The following DDX3X variants were observed in gnomAD, a reference collection of about 807,000 sequenced individuals.
DDX3X encodes the protein ATP-dependent RNA helicase DDX3X.
DDX3X carries 4 observed loss-of-function variants against 52.7 expected under a neutral mutation model. The observed-to-expected ratio is 0.08, with a 90% CI of 0.04 to 0.17. The LOEUF is 0.17. DDX3X is among the 10% of genes least tolerant of loss of function. DDX3X has a pLI of 1.00. For synonymous variants in DDX3X, 192 were observed against 178.1 expected, an observed-to-expected ratio of 1.08 and a Z score of -0.62; for missense variants, 222 against 548.6, an observed-to-expected ratio of 0.40 and a Z score of 5.95.
At chrX:41,341,089 G>A (rs909859668) in intron 3 of DDX3X, 17 of 175,220 alleles carry the variant, frequency 9.7e-5, no homozygotes, top group African/African-American at 3.3e-4. Context: ...GGGTTCAAGT[G>A]ATTCTCCTGC....
In DDX3X at chrX:41,334,183, G is replaced by C; in HGVS notation, c.-70G>C. 1.8e-6 allele frequency: 2 copies of C among 1,088,278 alleles called. No individual in the cohort carries two copies. Among genetic ancestry groups the C allele is most frequent in the Non-Finnish European group, 2.5e-6 (2 of 792,653 alleles). The allele number at this position is 1,088,278 out of a possible 1,213,427, so 89.7% of individuals were successfully genotyped here. On this transcript the variant is annotated 5_prime_UTR_variant, in exon 1 of 17. Coordinates refer to ENST00000644876, the MANE Select transcript of DDX3X (RefSeq NM_001356.5). ...CTCCAGAGCCGCAGTTCTCCCGTGA[G>C]AGGGCCTTCGCGGTGGAACAAACAC...
upstream of DDX3X, chrX:41,334,000 G>A (rs1256374982): frequency 2.6e-6 from 1 of 381,575 alleles, no homozygotes; most frequent in Admixed American, 4.5e-5. Flanking sequence ...ACAGGACTAA[G>A]TAGGAAATCC....
At chrX:41,334,660 A>G (rs1274881280) in intron 1 of DDX3X, 2 of 1,048,326 alleles carry the variant, frequency 1.9e-6, no homozygotes, top group Non-Finnish European at 2.5e-6. Context: ...GCGGGACGCG[A>G]CTGGAGGCCC....
chrX:41,337,723 G>A, intron 2 of DDX3X: 1 of 236,584 alleles, frequency 4.2e-6, no homozygotes, highest in Non-Finnish European at 7.3e-6. Context: ...TCGGCTCACC[G>A]CAGTCTCTGC....
Position 41,339,053 on chromosome X carries a change from C to A in DDX3X, c.121C>A (p.Pro41Thr). 1 of 1,078,019 alleles carries A rather than the reference C, an allele frequency of 9.3e-7. No individual in the cohort carries two copies. The highest frequency in any genetic ancestry group is 2.6e-5 in the South Asian group (1 of 38,211). The allele number at this position is 1,078,019 out of a possible 1,213,427, so 88.8% of individuals were successfully genotyped here. ...STASKGRYIP[P>T]HLRNREATKG... ...TTTTTTAGAAGGGCGCTATATTCCT[C>A]CTCATTTAAGGAACCGAGAAGCTAC... is the stretch of plus-strand genomic sequence containing the variant. Residue 41 changes from proline (P) to threonine (T), a missense_variant, in exon 3 of 17, where the codon CCT (proline) becomes ACT (threonine). Coordinates refer to ENST00000644876, the MANE Select transcript of DDX3X (RefSeq NM_001356.5).
intron 1 of DDX3X, chrX:41,335,964 CT>C (rs1161522199): frequency 8.9e-6 from 1 of 112,232 alleles, no homozygotes; most frequent in Non-Finnish European, 1.9e-5. Flanking sequence ...TCCTACCGTG[CT>C]TTAAAGTATT....
At chrX:41,362,750 G>A (rs2064034393) in intron 5 of DDX3X, among the ~76,000 whole-genome samples, 1 of 111,896 alleles carries the variant, frequency 8.9e-6, no homozygotes, top group Non-Finnish European at 1.9e-5. Context: ...CCTATGGGAG[G>A]TGGGGCAGGA....
At chrX:41,342,996 A>AT in intron 6 of DDX3X, 160 bp downstream of exon 6, 1 of 564,430 alleles carries the variant, frequency 1.8e-6, no homozygotes, top group South Asian at 3.2e-5. Context: ...TGAATAATTT[A>AT]TTACCTAAAA....
At chrX:41,347,230 A>C (rs928417011) in intron 15 of DDX3X, 82 bp from the exon 16 acceptor site, 2 of 1,070,623 alleles carry the variant, frequency 1.9e-6, no homozygotes, top group Non-Finnish European at 1.3e-6. Flanking sequence ...TGGAAAAATT[A>C]GAAATTGGTC....
chrX:41,334,243 C>T lies in DDX3X; in HGVS notation c.-10C>T. 1 of 1,208,215 alleles carries T rather than the reference C, an allele frequency of 8.3e-7. No homozygotes were observed. Among genetic ancestry groups the T allele is most frequent in the South Asian group, 1.8e-5 (1 of 56,488 alleles). ...AGCGGAAGACTCCGAGTTCTCGGTACTCTTCAGGGATGAGTCATGTGGCAG... is the reference window on the plus strand; with the variant it reads ...AGCGGAAGACTCCGAGTTCTCGGTATTCTTCAGGGATGAGTCATGTGGCAG... On this transcript the variant is annotated 5_prime_UTR_variant, in exon 1 of 17. Transcript: ENST00000644876.
intron 1 of DDX3X, chrX:41,334,900 C>A: frequency 2.6e-6 from 1 of 386,305 alleles, no homozygotes; most frequent in Non-Finnish European, 3.6e-6. Context: ...CGGGCGAAGG[C>A]CTGGAAAGGA....
downstream of DDX3X, among the ~76,000 whole-genome samples, chrX:41,352,674 G>C (rs1320799735): frequency 9.0e-6 from 1 of 111,260 alleles, no homozygotes; most frequent in East Asian, 2.8e-4. Context: ...CTCCAACTTG[G>C]TGTTGCAACA....
chrX:41,335,360 T>G (rs1186493939), intron 1 of DDX3X: 1 of 111,590 alleles, frequency 9.0e-6, no homozygotes, highest in Non-Finnish European at 1.9e-5. Flanking sequence ...TGTTGTTGAC[T>G]TGTTGCTATC....
intron 3 of DDX3X, chrX:41,339,334 A>G (rs757921591): frequency 1.3e-4 from 22 of 168,390 alleles, no homozygotes; most frequent in African/African-American, 5.2e-4. Flanking sequence ...CAGTTTCACT[A>G]GTGTTGTGCT....
chrX:41,352,286 G>A (rs1050615506), downstream of DDX3X, among the ~76,000 whole-genome samples: 6 of 111,586 alleles, frequency 5.4e-5, no homozygotes, highest in Non-Finnish European at 1.1e-4. Context: ...TTATTTTACT[G>A]TGTGAAGCAG....
At chrX:41,355,651 T>C (rs1450227900) in intron 5 of DDX3X, among the ~76,000 whole-genome samples, 10 of 103,186 alleles carry the variant, frequency 9.7e-5, no homozygotes, top group Non-Finnish European at 1.4e-4. Context: ...TTTTCTTTTT[T>C]TTTTTTTTTT....
intron 4 of DDX3X, 31 bp from the exon 5 acceptor site, chrX:41,342,464 A>G: frequency 8.3e-7 from 1 of 1,203,053 alleles, no homozygotes; most frequent in Non-Finnish European, 1.1e-6. Context: ...GTTAAATGAT[A>G]TGATTCTGAT....
intron 1 of DDX3X, chrX:41,334,773 G>A (rs2063736402): frequency 1.1e-6 from 1 of 952,131 alleles, no homozygotes; most frequent in African/African-American, 2.0e-5. Flanking sequence ...GCAAGGGGTA[G>A]AACGCGGCCC....
chrX:41,343,025 T>C, intron 6 of DDX3X, 189 bp downstream of exon 6: 1 of 592,411 alleles, frequency 1.7e-6, no homozygotes, highest in African/African-American at 2.3e-5. Flanking sequence ...GGGTCAAACA[T>C]AGGAACAACC....
Sources: allele counts gnomAD v4.1 joint callset (sites outside exome capture counted in the v4.1 genomes callset), GRCh38; gene constraint gnomAD v4.1.1; transcripts MANE v1.5; gene names NCBI Gene and HGNC (gene_info 2026-07-23, HGNC 2026-07-21).